The following NFASC variants were observed in gnomAD, a reference collection of about 807,000 sequenced individuals.
The protein encoded by NFASC is neurofascin.
In NFASC, 43 loss-of-function variants were observed where a neutral mutation model predicts 147.5. The ratio of observed to expected loss-of-function variants is 0.29; its 90% CI spans 0.23 to 0.38. NFASC has a LOEUF of 0.38. Ranked by LOEUF, NFASC falls within the 10% of genes least tolerant of loss-of-function variation. NFASC has a pLI of 1.00. For synonymous variants in NFASC, 622 were observed against 665.5 expected (o/e 0.93, Z 1.01); for missense variants, 1,320 against 1,689.0 (o/e 0.78, Z 3.83).
intron 24 of NFASC, among the ~76,000 whole-genome samples, chr1:204,995,187 A>C (rs1385980502): frequency 7.9e-5 from 12 of 152,190 alleles, no homozygotes; most frequent in Admixed American, 7.8e-4. Flanking sequence ...GGTCTGTGCC[A>C]GCAGCACAGA....
chr1:204,921,592 C>T (rs1303868261), intron 2 of NFASC, among the ~76,000 whole-genome samples: 3 of 152,046 alleles, frequency 2.0e-5, no homozygotes, highest in Non-Finnish European at 4.4e-5. Context: ...CTGAGAGTGC[C>T]GACGACATGG....
At chr1:204,865,132 A>G (rs972762536) in intron 1 of NFASC, among the ~76,000 whole-genome samples, 2 of 152,282 alleles carry the variant, frequency 1.3e-5, no homozygotes, top group Non-Finnish European at 1.5e-5. Context: ...CCCTTTATCC[A>G]TGAGGGATAC....
intron 8 of NFASC, among the ~76,000 whole-genome samples, chr1:204,959,627 C>A (rs1287085779): frequency 6.6e-6 from 1 of 152,238 alleles, no homozygotes; most frequent in Non-Finnish European, 1.5e-5. Context: ...CAGGGCCCCT[C>A]TCTCCTTGCC....
At chr1:204,988,546 G>A in intron 22 of NFASC, 87 bp from the exon 23 acceptor site, 1 of 1,250,454 alleles carries the variant, frequency 8.0e-7, no homozygotes. Flanking sequence ...GCAAAGTCAG[G>A]AAAGTGTTCT....
intron 2 of NFASC, among the ~76,000 whole-genome samples, chr1:204,943,830 C>A (rs1013655051): frequency 6.6e-6 from 1 of 152,204 alleles, no homozygotes; most frequent in Non-Finnish European, 1.5e-5. Flanking sequence ...GCCTGCAGGC[C>A]AATAGGCCAA....
chr1:204,938,445 C>A (rs2093064965), intron 2 of NFASC, among the ~76,000 whole-genome samples: 1 of 152,188 alleles, frequency 6.6e-6, no homozygotes, highest in Non-Finnish European at 1.5e-5. Flanking sequence ...ATCCTCACAG[C>A]AGCCTTCTAG....
At chr1:204,877,927 G>C (rs970585019) in intron 1 of NFASC, among the ~76,000 whole-genome samples, 3 of 152,188 alleles carry the variant, frequency 2.0e-5, no homozygotes, top group Admixed American at 1.3e-4. Context: ...CTTCGTGCCT[G>C]TGGCAAATGA....
chr1:204,980,268 CAG>C (rs2095486514), intron 19 of NFASC, 100 bp from the exon 20 acceptor site: 2 of 844,130 alleles, frequency 2.4e-6, no homozygotes, highest in Non-Finnish European at 2.0e-6. Context: ...CGAGGAAAGA[CAG>C]AGCATAGAAC....
chr1:204,829,049 C>T (rs1347040762), intron 1 of NFASC, among the ~76,000 whole-genome samples: 1 of 128,970 alleles, frequency 7.8e-6, no homozygotes, highest in Non-Finnish European at 1.7e-5. Context: ...GTCCCCTCCC[C>T]CTTCCCGCAT....
rs768720528 is a variant in NFASC at position 204,968,239 on chromosome 1, C to T, written c.707-10C>T. The T allele has an allele frequency of 1.2e-6, 2 of 1,609,450 alleles. No individual in the cohort carries two copies. Among genetic ancestry groups the T allele is most frequent in the South Asian group, 2.2e-5 (2 of 90,962 alleles). On this transcript the variant is annotated splice_polypyrimidine_tract_variant and intron_variant, in intron 8 of 29. Transcript: ENST00000339876. The surrounding 1 kb of genome is among the most constrained non-coding windows in gnomAD (Gnocchi z 5.4). ...GGAGGCTCATGGGAGTTTGTTCTCT[C>T]CTGTTTCAGCCCGAGGAGTTGCAGA...
intron 8 of NFASC, chr1:204,962,008 C>T: frequency 1.1e-6 from 1 of 870,230 alleles, no homozygotes; most frequent in South Asian, 1.4e-5. Context: ...CTGCCCTCCT[C>T]AGTTGTTTTT....
At position 205,016,180 on chromosome 1, in the gene NFASC, G is replaced by A; in HGVS notation, c.3492-128G>A. The A allele has an allele frequency of 1.4e-6, 1 of 705,606 alleles. No individual in the cohort carries two copies. The highest frequency in any genetic ancestry group is 1.6e-5 in the South Asian group (1 of 61,754). The allele number at this position is 705,606 out of a possible 1,614,324, so 43.7% of individuals were successfully genotyped here. On this transcript the variant is annotated intron_variant, in intron 29 of 29. Coordinates refer to ENST00000339876, the MANE Select transcript of NFASC (RefSeq NM_001005388.3). The surrounding 1 kb of genome is among the most constrained non-coding windows in gnomAD (Gnocchi z 5.1). ...TGCAAAGCAGGCTGGACAGGGGAGG[G>A]TGAAGCGGGGGCTGGACTGGGCGGT...
intron 8 of NFASC, among the ~76,000 whole-genome samples, chr1:204,958,165 A>G (rs1428067685): frequency 6.6e-6 from 1 of 152,290 alleles, no homozygotes; most frequent in Non-Finnish European, 1.5e-5. Context: ...AGGTAATTCA[A>G]GTGCACCCCA....
rs908477943 is a variant in NFASC, at chr1:205,020,882, A to G, written c.*4343A>G. ...CTTGGTGCAGAGTGACCTCCTGCCC[A>G]GTCACCACTCCGGCCAGCCCCAGCC... On this transcript the variant is annotated 3_prime_UTR_variant, in exon 30 of 30. Coordinates refer to ENST00000339876, the MANE Select transcript of NFASC (RefSeq NM_001005388.3). 6.6e-6 allele frequency: 1 copy of G among 152,246 alleles called. No homozygotes were observed. Among genetic ancestry groups the G allele is most frequent in the Non-Finnish European group, 1.5e-5 (1 of 68,088 alleles). 9.4% of individuals were successfully genotyped at this position (152,246 alleles called of 1,614,324 possible). A position where few individuals can be genotyped will look rare whatever the true frequency, so the allele number is the denominator to read the frequency against.
At chr1:204,977,637 G>GCTGGATAAC (rs1355254854) in intron 16 of NFASC, 44 bp from the exon 17 acceptor site, 1 of 1,592,228 alleles carries the variant, frequency 6.3e-7, no homozygotes, top group Non-Finnish European at 8.6e-7. Context: ...CACCTTTAAT[G>GCTGGATAAC]CTGGATAACC....
Position 204,979,466 on chromosome 1 carries a change from T to A in NFASC, c.2083T>A (p.Tyr695Asn). Residue 695 changes from tyrosine (Y) to asparagine (N), a missense_variant, in exon 19 of 30, where the codon TAT (tyrosine) becomes AAT (asparagine). Transcript: ENST00000339876. The surrounding 1 kb of genome is among the most constrained non-coding windows in gnomAD (Gnocchi z 6.0). The part of the protein sequence containing the change: ...VNSAVLRLSP[Y>N]VNYQFRVIAI... The stretch of plus-strand genomic sequence containing the variant: ...CTCAGCCGTCCTCCGGCTGTCCCCG[T>A]ATGTCAACTACCAGTTCCGTGTCAT... 3.1e-6 allele frequency: 5 copies of A among 1,614,016 alleles called. No homozygotes were observed. Among genetic ancestry groups the A allele is most frequent in the Non-Finnish European group, 4.2e-6 (5 of 1,180,020 alleles).
intron 1 of NFASC, among the ~76,000 whole-genome samples, chr1:204,854,921 C>A (rs561929506): frequency 3.1e-4 from 47 of 152,380 alleles, no homozygotes; most frequent in Middle Eastern, 6.8e-3. Context: ...GGTATCTTCA[C>A]CCAGCTCATC....
intron 1 of NFASC, among the ~76,000 whole-genome samples, chr1:204,838,389 A>G (rs1268409254): frequency 6.6e-6 from 1 of 152,204 alleles, no homozygotes; most frequent in African/African-American, 2.4e-5. Context: ...GAGTGGGGGT[A>G]AGTTTGACCA....
intron 1 of NFASC, among the ~76,000 whole-genome samples, chr1:204,845,953 A>T (rs979969152): frequency 2.0e-5 from 3 of 152,164 alleles, no homozygotes; most frequent in African/African-American, 7.2e-5. Flanking sequence ...AGGGGCTGGA[A>T]TTCGGAAGAA....
Sources: gnomAD v4.1 joint callset for allele counts (sites outside exome capture counted in the v4.1 genomes callset) on GRCh38, gnomAD v4.1.1 for gene constraint, Gnocchi (gnomAD v3.1) non-coding constraint, MANE v1.5 for transcripts, NCBI Gene and HGNC (gene_info 2026-07-23, HGNC 2026-07-21) for gene names.